KLHL28: variants seen among roughly 807,000 people sequenced by gnomAD.
KLHL28 encodes the protein kelch-like protein 28.
In KLHL28, 22 loss-of-function variants were observed where a neutral mutation model predicts 48.3. That is an observed-to-expected ratio of 0.46 (90% CI 0.33 to 0.65). The LOEUF (loss-of-function observed/expected upper bound fraction) is 0.65. Among genes scored for constraint, KLHL28 ranks in the 30% least tolerant of loss-of-function variants. KLHL28 has a pLI of 0.03. For synonymous variants in KLHL28, 243 were observed against 242.4 expected (o/e 1.00, Z -0.02); for missense variants, 527 against 704.3 (o/e 0.75, Z 2.85).
chr14:44,942,534 CTTT>C (rs934286278), intron 2 of KLHL28, among the ~76,000 whole-genome samples: 1 of 144,626 alleles, frequency 6.9e-6, no homozygotes, highest in African/African-American at 2.5e-5. Context: ...ACATAAAAGT[CTTT>C]TTTTTTTTTT....
rs1249297509 is a variant in KLHL28, at chr14:44,934,416, T to C, written c.1042A>G (p.Thr348Ala). Residue 348 changes from threonine (T) to alanine (A), a missense_variant, in exon 3 of 5, where the codon ACT (threonine) becomes GCT (alanine). By Grantham distance (58) the Thr-to-Ala change is moderately conservative (BLOSUM62 0). Transcript: ENST00000396128. ...ACTGAATTTTCATGTTTTCTGATAG[T>C]GACGCCAGGACGCACATTAGTTGCA... ...GIATNVRPGV[T>A]IRKHENSVEC... 2 of 1,614,164 alleles carry C rather than the reference T, an allele frequency of 1.2e-6. No individual in the cohort carries two copies. Among genetic ancestry groups the C allele is most frequent in the South Asian group, 2.2e-5 (2 of 91,086 alleles).
At chr14:44,955,208 A>G (rs1281426397) in intron 1 of KLHL28, among the ~76,000 whole-genome samples, 1 of 151,558 alleles carries the variant, frequency 6.6e-6, no homozygotes, top group Non-Finnish European at 1.5e-5. Context: ...ATGTATATAA[A>G]TAACAGTAAA....
Position 44,947,701 on chromosome 14 carries a change from A to T in KLHL28, c.1-1773T>A, listed in dbSNP as rs148339331. On this transcript the variant is annotated intron_variant, in intron 1 of 4. Coordinates refer to ENST00000396128, the MANE Select transcript of KLHL28 (RefSeq NM_017658.5). Reference sequence around the variant, plus strand: ...TTCTTATACATTTTTAAGTGGAAAAAATCCAACTCTTGAAATTTTTATCTT... The same window carrying T: ...TTCTTATACATTTTTAAGTGGAAAATATCCAACTCTTGAAATTTTTATCTT... Among the ~76,000 whole-genome samples, 77 of 152,336 alleles carry T rather than the reference A, an allele frequency of 5.1e-4. 1 individual carries two copies. Among genetic ancestry groups the T allele is most frequent in the African/African-American group, 1.7e-3 (70 of 41,584 alleles).
In KLHL28 at chr14:44,925,926, T is replaced by C. The variant is rs1883358602; in HGVS notation, c.*3102A>G. On this transcript the variant is annotated 3_prime_UTR_variant, in exon 5 of 5. Transcript: ENST00000396128. Reference sequence around the variant, plus strand: ...GGCAAGTATCTTGCAACTGATTACATTAATTTCTATTTCCCAGTGCTGCTC... The same window carrying C: ...GGCAAGTATCTTGCAACTGATTACACTAATTTCTATTTCCCAGTGCTGCTC... 1 of 152,226 alleles carries C rather than the reference T, an allele frequency of 6.6e-6. No individual in the cohort carries two copies. Among genetic ancestry groups the C allele is most frequent in the Non-Finnish European group, 1.5e-5 (1 of 68,012 alleles). The allele number at this position is 152,226 out of a possible 1,614,324, so 9.4% of individuals were successfully genotyped here.
chr14:44,943,057 A>G (rs1340977017), intron 2 of KLHL28, among the ~76,000 whole-genome samples: 1 of 152,188 alleles, frequency 6.6e-6, no homozygotes, highest in Non-Finnish European at 1.5e-5. Flanking sequence ...TTTAATTTTT[A>G]AAATTTTATT....
chr14:44,936,854 T>C (rs1011265969), intron 2 of KLHL28, among the ~76,000 whole-genome samples: 6 of 152,136 alleles, frequency 3.9e-5, no homozygotes, highest in Non-Finnish European at 1.5e-5. Flanking sequence ...CGTGTGGTGG[T>C]TCAAGAGCAA....
chr14:44,957,303 C>G (rs555021010), intron 1 of KLHL28, among the ~76,000 whole-genome samples: 19 of 150,730 alleles, frequency 1.3e-4, no homozygotes, highest in African/African-American at 4.0e-4. Context: ...AAATTTTGCA[C>G]AGTAAGAGAC....
chr14:44,961,404 A>G (rs1885088719), intron 1 of KLHL28, among the ~76,000 whole-genome samples: 4 of 152,178 alleles, frequency 2.6e-5, no homozygotes, highest in Admixed American at 6.5e-5. Context: ...GGGGAAAAAA[A>G]CAGACCTATT....
At chr14:44,938,934 T>A (rs1883952629) in intron 2 of KLHL28, among the ~76,000 whole-genome samples, 1 of 152,212 alleles carries the variant, frequency 6.6e-6, no homozygotes, top group African/African-American at 2.4e-5. Flanking sequence ...ATTGCCCTAG[T>A]GAGGGTGCTC....
rs1462501271 is a variant in KLHL28 at position 44,927,093 on chromosome 14, TACTC to T, written c.*1931_*1934del. The T allele has an allele frequency of 6.6e-6, 1 of 152,614 alleles. No homozygotes were observed. Among genetic ancestry groups the T allele is most frequent in the Admixed American group, 6.5e-5 (1 of 15,268 alleles). 9.5% of individuals were successfully genotyped at this position (152,614 alleles called of 1,614,324 possible). ...TTATTCAGACAAGCAACATAGAAAA[TACTC>T]AGACTATCAATTGTTATTAGTTGCT... On this transcript the variant is annotated 3_prime_UTR_variant, in exon 5 of 5. Transcript: ENST00000396128.
At chr14:44,940,185 C>T (rs1040795939) in intron 2 of KLHL28, among the ~76,000 whole-genome samples, 2 of 152,150 alleles carry the variant, frequency 1.3e-5, no homozygotes, top group Admixed American at 1.3e-4. Context: ...GATAACTAAC[C>T]TACTCTCACA....
At chr14:44,930,078 AAC>A (rs1275937713) in intron 4 of KLHL28, among the ~76,000 whole-genome samples, 5 of 152,218 alleles carry the variant, frequency 3.3e-5, no homozygotes, top group Admixed American at 3.3e-4. Context: ...TCTAAAAAGA[AAC>A]AGTTTACTCC....
At chr14:44,942,708 T>C (rs1884154994) in intron 2 of KLHL28, among the ~76,000 whole-genome samples, 1 of 152,164 alleles carries the variant, frequency 6.6e-6, no homozygotes, top group South Asian at 2.1e-4. Flanking sequence ...TCGTGACCTT[T>C]CTTCTTTCTC....
intron 4 of KLHL28, among the ~76,000 whole-genome samples, chr14:44,931,045 C>G (rs1883564295): frequency 6.6e-6 from 1 of 152,138 alleles, no homozygotes. Flanking sequence ...GTTACATGGA[C>G]AAAAGGAGCT....
Position 44,945,811 on chromosome 14 carries a change from G to C in KLHL28, c.118C>G (p.Arg40Gly). 1 of 1,614,052 alleles carries C rather than the reference G, an allele frequency of 6.2e-7. No individual in the cohort carries two copies. The highest frequency in any genetic ancestry group is 8.5e-7 in the Non-Finnish European group (1 of 1,179,968). Residue 40 changes from arginine (R) to glycine (G), a missense_variant, in exon 2 of 5, where the codon CGA (arginine) becomes GGA (glycine). Physicochemically the swap from Arg to Gly is moderately radical, Grantham distance 125 (BLOSUM62 -2). Coordinates refer to ENST00000396128, the MANE Select transcript of KLHL28 (RefSeq NM_017658.5). ...QHHELCDIIL[R>G]VGDVKIHAHK... ...GCATGAATTTTAACATCACCTACTC[G>C]AAGAATGATGTCACAGAGTTCGTGA...
intron 2 of KLHL28, among the ~76,000 whole-genome samples, chr14:44,943,207 G>A (rs959226693): frequency 3.9e-5 from 6 of 152,012 alleles, no homozygotes; most frequent in South Asian, 4.1e-4. Context: ...ATACATATTC[G>A]AAAATTTTTG....
rs1883424165 is a variant in KLHL28, at chr14:44,927,774, T to G, written c.*1254A>C. 1 of 152,624 alleles carries G rather than the reference T, an allele frequency of 6.6e-6. No homozygotes were observed. The highest frequency in any genetic ancestry group is 1.5e-5 in the Non-Finnish European group (1 of 68,020). The allele number at this position is 152,624 out of a possible 1,614,324, so 9.5% of individuals were successfully genotyped here. On this transcript the variant is annotated 3_prime_UTR_variant, in exon 5 of 5. Coordinates refer to ENST00000396128, the MANE Select transcript of KLHL28 (RefSeq NM_017658.5). ...AAAATATTCAGTTACCTAAGAAATG[T>G]ACAAAGTAATGCATAACTGCCTAGT...
At position 44,943,684 on chromosome 14, in the gene KLHL28, AAAAT is replaced by A. The variant is rs1037709043; in HGVS notation, c.899+1342_899+1345del. On this transcript the variant is annotated intron_variant, in intron 2 of 4. Coordinates refer to ENST00000396128, the MANE Select transcript of KLHL28 (RefSeq NM_017658.5). ...AAAAAATAAAAAATAAAAAATAAAT[AAAAT>A]AAATAAATAAATAAAATGTATTATC... Among the ~76,000 whole-genome samples the A allele has an allele frequency of 7.3e-5, 11 of 151,660 alleles. No homozygotes were observed. The South Asian group carries it at 8.3e-4, about 11-fold the overall frequency.
Position 44,928,753 on chromosome 14 carries a change from C to A in KLHL28, c.*275G>T. ...TACACTTATGAACATAAAACTAGTA[C>A]ATCTCAGTCTTGGGGGAAAAAGTGC... On this transcript the variant is annotated 3_prime_UTR_variant, in exon 5 of 5. Transcript: ENST00000396128. 1 of 208,724 alleles carries A rather than the reference C, an allele frequency of 4.8e-6. No homozygotes were observed. Among genetic ancestry groups the A allele is most frequent in the Non-Finnish European group, 9.3e-6 (1 of 107,168 alleles). 12.9% of individuals were successfully genotyped at this position (208,724 alleles called of 1,614,324 possible).
Sources: allele counts gnomAD v4.1 joint callset (sites outside exome capture counted in the v4.1 genomes callset), GRCh38; gene constraint gnomAD v4.1.1; transcripts MANE v1.5; gene names NCBI Gene and HGNC (gene_info 2026-07-23, HGNC 2026-07-21).